Variants in NCOR2 observed in about 807,000 individuals in gnomAD.
NCOR2 encodes the protein nuclear receptor corepressor 2, also known as CTG repeat protein 26.
In NCOR2, 81 loss-of-function variants were observed where a neutral mutation model predicts 262.9. The ratio of observed to expected loss-of-function variants is 0.31; its 90% CI spans 0.26 to 0.37. NCOR2 has a LOEUF of 0.37. Ranked by LOEUF, NCOR2 falls within the 10% of genes least tolerant of loss-of-function variation. The pLI is 1.00. For missense variants in NCOR2, 3,385 were observed against 3,621.4 expected (o/e 0.93, Z 1.68); for synonymous variants, 1,659 against 1,559.3 (o/e 1.06, Z -1.51).
chr12:124,394,704 T>TC (rs1225912735), intron 16 of NCOR2, among the ~76,000 whole-genome samples: 1 of 152,058 alleles, frequency 6.6e-6, no homozygotes, highest in East Asian at 1.9e-4. Context: ...CAAGGCAGGC[T>TC]CCTCCCCAGA....
chr12:124,522,193 C>T (rs1437142243), intron 1 of NCOR2, among the ~76,000 whole-genome samples: 1 of 152,180 alleles, frequency 6.6e-6, no homozygotes, highest in South Asian at 2.1e-4. Context: ...ATGTGCTGAG[C>T]ACTGGAAATA....
chr12:124,446,349 A>G (rs888665566), intron 7 of NCOR2, among the ~76,000 whole-genome samples: 3 of 152,198 alleles, frequency 2.0e-5, no homozygotes, highest in Non-Finnish European at 2.9e-5. Flanking sequence ...GTCTGATCAC[A>G]TTGCTTCCTG....
chr12:124,523,210 T>A lies in NCOR2; in HGVS notation c.-118+12355A>T, dbSNP rs1406072621. Among the ~76,000 whole-genome samples, 1 of 152,202 alleles carries A rather than the reference T, an allele frequency of 6.6e-6. No homozygotes were observed. The highest frequency in any genetic ancestry group is 2.4e-5 in the African/African-American group (1 of 41,448). On this transcript the variant is annotated intron_variant, in intron 1 of 46. Transcript: ENST00000404621. This position sits in a 1 kb window ranked among gnomAD's most constrained non-coding sequence, Gnocchi z 4.0. The stretch of plus-strand genomic sequence containing the variant: ...GGGCCGCCCCCACCCACAGCAGCTG[T>A]GAGCTGGCAGCTGGCAGAGTTAATT...
chr12:124,530,515 A>C (rs1032570546), intron 1 of NCOR2, among the ~76,000 whole-genome samples: 1 of 151,946 alleles, frequency 6.6e-6, no homozygotes, highest in Non-Finnish European at 1.5e-5. Flanking sequence ...AACACTACTC[A>C]CTCCATTCCC....
intron 12 of NCOR2, among the ~76,000 whole-genome samples, chr12:124,422,295 G>T (rs1263378199): frequency 6.6e-6 from 1 of 152,168 alleles, no homozygotes; most frequent in East Asian, 1.9e-4. Flanking sequence ...CCTCCTCCAT[G>T]GGCCCAGGAG....
chr12:124,333,845 T>C (rs1566353143), intron 41 of NCOR2, among the ~76,000 whole-genome samples: 1 of 135,626 alleles, frequency 7.4e-6, no homozygotes, highest in Admixed American at 7.4e-5. Context: ...TGCGCCTGTG[T>C]GCGGGTGTGC....
chr12:124,406,901 G>T (rs773088641), intron 13 of NCOR2, among the ~76,000 whole-genome samples: 9 of 152,198 alleles, frequency 5.9e-5, no homozygotes, highest in Non-Finnish European at 1.2e-4. Flanking sequence ...GCAAAAGCTC[G>T]CTGAGCACAT....
chr12:124,565,012 T>C (rs2052189227), intron 1 of NCOR2, among the ~76,000 whole-genome samples: 3 of 146,502 alleles, frequency 2.0e-5, no homozygotes, highest in Admixed American at 1.4e-4. Context: ...CTTTAGGAGG[T>C]GGCATGAGTA....
intron 28 of NCOR2, among the ~76,000 whole-genome samples, chr12:124,350,003 G>A (rs1421041181): frequency 6.6e-6 from 1 of 152,192 alleles, no homozygotes; most frequent in Non-Finnish European, 1.5e-5. Flanking sequence ...GGATGGAGGA[G>A]AGGCAATTCC....
chr12:124,347,777 ACTGTACACC>A (rs1482002359), intron 30 of NCOR2, 39 bp downstream of exon 32: 7 of 1,542,286 alleles, frequency 4.5e-6, no homozygotes, highest in African/African-American at 1.4e-5. Context: ...GCCCTGCGTG[ACTGTACACC>A]CGTTGGGGGC....
Position 124,348,157 on chromosome 12 carries a change from C to G in NCOR2, c.3985+17G>C, listed in dbSNP as rs200502096. 23 of 1,608,380 alleles carry G rather than the reference C, an allele frequency of 1.4e-5. No homozygotes were observed. The African/African-American group carries it at 3.1e-4, about 21-fold the overall frequency. ...ACCAGGGGGCACCGAGAGATGAAGT[C>G]TCCTCCCTGCTATCACCTTCGATGC... On this transcript the variant is annotated intron_variant, in intron 29 of 46. Transcript: ENST00000405201.
At chr12:124,420,138 A>G (rs2043130143) in intron 12 of NCOR2, 83 bp from the exon 15 acceptor site, 1 of 1,150,348 alleles carries the variant, frequency 8.7e-7, no homozygotes, top group Non-Finnish European at 1.3e-6. Context: ...TCCTGGGCTC[A>G]TATCCTGCCT....
At position 124,378,539 on chromosome 12, in the gene NCOR2, CA is replaced by C. The variant is rs2040187891; in HGVS notation, c.2020-156del. Among the ~76,000 whole-genome samples the C allele has an allele frequency of 6.6e-6, 1 of 152,182 alleles. No homozygotes were observed. Reference sequence around the variant, plus strand: ...CCCCCTCACACCCCACCTCGGCAGCCAAGCGTGCCAGGGTTTATTTTTACCG... The same window carrying C: ...CCCCCTCACACCCCACCTCGGCAGCCAGCGTGCCAGGGTTTATTTTTACCG... On this transcript the variant is annotated intron_variant, in intron 17 of 46. Coordinates refer to ENST00000405201, the Ensembl canonical transcript of NCOR2. This position sits in a 1 kb window ranked among gnomAD's most constrained non-coding sequence, Gnocchi z 4.2.
intron 17 of NCOR2, among the ~76,000 whole-genome samples, chr12:124,379,012 A>T (rs959081039): frequency 3.9e-5 from 6 of 152,272 alleles, no homozygotes; most frequent in Non-Finnish European, 7.3e-5. Context: ...CGTGGGTGAA[A>T]CAGGATGGGA....
chr12:124,414,764 G>T (rs1038364019), intron 13 of NCOR2, among the ~76,000 whole-genome samples: 1 of 152,172 alleles, frequency 6.6e-6, no homozygotes, highest in East Asian at 1.9e-4. Flanking sequence ...GGGAAGACCC[G>T]GGTTCTCCAT....
chr12:124,348,477 GCAGGCCCT>G, intron 28 of NCOR2, 163 bp from the exon 31 acceptor site: 1 of 969,848 alleles, frequency 1.0e-6, no homozygotes, highest in Non-Finnish European at 1.5e-6. Flanking sequence ...CTGGCAGCCT[GCAGGCCCT>G]GGGGGCCTGC....
chr12:124,348,430 C>T (rs375640317), intron 28 of NCOR2, 116 bp from the exon 31 acceptor site: 916 of 1,372,758 alleles, frequency 6.7e-4, no homozygotes, highest in Non-Finnish European at 8.0e-4. Flanking sequence ...ATGCTGGCCC[C>T]GTCACAAAGC....
intron 16 of NCOR2, among the ~76,000 whole-genome samples, chr12:124,392,548 AG>A (rs1365496989): frequency 6.6e-6 from 1 of 152,132 alleles, no homozygotes; most frequent in Non-Finnish European, 1.5e-5. Context: ...CAGCTGCACC[AG>A]GAAGTAGCCG....
At chr12:124,368,493 TGACCCGTCACTTCCACCC>T (rs2039217321) in intron 20 of NCOR2, among the ~76,000 whole-genome samples, 1 of 152,102 alleles carries the variant, frequency 6.6e-6, no homozygotes, top group Non-Finnish European at 1.5e-5. Context: ...GATAAAACCC[TGACCCGTCACTTCCACCC>T]GTGGGGCCTG....
Sources: gnomAD v4.1 joint callset for allele counts (sites outside exome capture counted in the v4.1 genomes callset) on GRCh38, gnomAD v4.1.1 for gene constraint, Gnocchi (gnomAD v3.1) non-coding constraint, MANE v1.5 for transcripts, NCBI Gene and HGNC (gene_info 2026-07-23, HGNC 2026-07-21) for gene names.